Variants in APC observed in about 807,000 individuals in gnomAD.
The protein encoded by APC is APC regulator of Wnt signaling pathway.
A neutral mutation model predicts 247.0 loss-of-function variants in APC; 72 were observed. The observed-to-expected ratio is 0.29, with a 90% CI of 0.24 to 0.35. The LOEUF (loss-of-function observed/expected upper bound fraction) is 0.35, where lower values mean the gene tolerates loss of function less well. APC is among the 10% of genes least tolerant of loss of function. APC has a pLI of 1.00. For synonymous variants in APC, 1,254 were observed against 1,162.5 expected (o/e 1.08, Z -1.60); for missense variants, 3,400 against 3,360.7 (o/e 1.01, Z -0.29).
rs966309914 is a variant in APC at position 112,801,260 on chromosome 5, G to A, written c.730-19G>A. 3.7e-6 allele frequency: 6 copies of A among 1,606,428 alleles called. No homozygotes were observed. In the African/African-American group the frequency reaches 8.0e-5, roughly 21 times the overall value. ...CTACACCATTTTTGCATGTACTGAT[G>A]TTAACTCCATCTTAACAGAGGTCAT... is the stretch of plus-strand genomic sequence containing the variant. On this transcript the variant is annotated intron_variant, in intron 7 of 15. Coordinates refer to ENST00000257430, the MANE Select transcript of APC (RefSeq NM_000038.6).
At chr5:112,831,567 C>T (rs1338127439) in intron 14 of APC, among the ~76,000 whole-genome samples, 1 of 151,920 alleles carries the variant, frequency 6.6e-6, no homozygotes, top group Non-Finnish European at 1.5e-5. Context: ...ATATCAATTC[C>T]CTCTCAACTT....
chr5:112,832,579 T>G (rs1196630613), intron 14 of APC, among the ~76,000 whole-genome samples: 4 of 152,212 alleles, frequency 2.6e-5, no homozygotes, highest in African/African-American at 7.2e-5. Context: ...GGACTTATTT[T>G]CCACTGTTCC....
In APC at chr5:112,837,659, G is replaced by A. The variant is rs2149859769; in HGVS notation, c.2065G>A (p.Ala689Thr). ...NACGTLWNLS[A>T]RNPKDQEALW... ...ATGTGGAACTTTGTGGAATCTCTCAGCAAGAAATCCTAAAGACCAGGAAGC... is the reference window on the plus strand; with the variant it reads ...ATGTGGAACTTTGTGGAATCTCTCAACAAGAAATCCTAAAGACCAGGAAGC... Residue 689 changes from alanine (A) to threonine (T), a missense_variant, in exon 16 of 16, where the codon GCA (alanine) becomes ACA (threonine). Around this residue, in one of 9 missense-constraint regions of APC, gnomAD observed 184 missense variants for 248.0 expected, o/e 0.74. Coordinates refer to ENST00000257430, the MANE Select transcript of APC (RefSeq NM_000038.6). 6.2e-7 allele frequency: 1 copy of A among 1,613,894 alleles called. No homozygotes were observed. Among genetic ancestry groups the A allele is most frequent in the Non-Finnish European group, 8.5e-7 (1 of 1,179,834 alleles).
chr5:112,820,714 C>T (rs756743140), intron 10 of APC, among the ~76,000 whole-genome samples: 3 of 152,006 alleles, frequency 2.0e-5, no homozygotes, highest in African/African-American at 7.2e-5. Flanking sequence ...TAAAAACTTA[C>T]GTCAAATGAG....
At position 112,843,177 on chromosome 5, in the gene APC, T is replaced by G. The variant is rs730881264; in HGVS notation, c.7583T>G (p.Ile2528Ser). 2 of 1,613,300 alleles carry G rather than the reference T, an allele frequency of 1.2e-6. No individual in the cohort carries two copies. The highest frequency in any genetic ancestry group is 1.7e-6 in the Non-Finnish European group (2 of 1,179,260). The stretch of plus-strand genomic sequence containing the variant: ...GGAAGACCAGCAAAGCGCCATGATA[T>G]TGCACGGTCTCATTCTGAAAGTCCT... ...NDGRPAKRHD[I>S]ARSHSESPSR... The change falls in exon 16 of 16, where the codon ATT (isoleucine) becomes AGT (serine). Residue 2528 changes from isoleucine (I) to serine (S), a missense_variant. Coordinates refer to ENST00000257430, the MANE Select transcript of APC (RefSeq NM_000038.6). This position sits in a 1 kb window ranked among gnomAD's most constrained non-coding sequence, Gnocchi z 4.8.
upstream of APC, among the ~76,000 whole-genome samples, chr5:112,732,995 C>T (rs1271705883): frequency 6.6e-6 from 1 of 152,192 alleles, no homozygotes; most frequent in Non-Finnish European, 1.5e-5. Context: ...AAGGAGTAGT[C>T]AAGCCTTAGA....
intron 1 of APC, among the ~76,000 whole-genome samples, chr5:112,730,190 T>A (rs1219743087): frequency 6.6e-6 from 1 of 152,246 alleles, no homozygotes; most frequent in Non-Finnish European, 1.5e-5. Flanking sequence ...TTCTTATTTT[T>A]ACCTATTCTG....
At chr5:112,721,088 G>A (rs1751459698) in intron 1 of APC, among the ~76,000 whole-genome samples, 1 of 152,088 alleles carries the variant, frequency 6.6e-6, no homozygotes, top group Non-Finnish European at 1.5e-5. Context: ...ATAGTATAAT[G>A]AACTAGAGGG....
chr5:112,721,358 G>C (rs1472507249), intron 1 of APC, among the ~76,000 whole-genome samples: 1 of 152,154 alleles, frequency 6.6e-6, no homozygotes, highest in Non-Finnish European at 1.5e-5. Context: ...AGATTGTAGT[G>C]AGCAGAGATT....
chr5:112,773,755 G>A (rs1018624787), intron 4 of APC, among the ~76,000 whole-genome samples: 2 of 152,056 alleles, frequency 1.3e-5, no homozygotes, highest in African/African-American at 4.8e-5. Flanking sequence ...ATTATATGCA[G>A]CCCAACAACT....
chr5:112,764,415 T>C (rs1274064960), intron 2 of APC, among the ~76,000 whole-genome samples: 2 of 152,090 alleles, frequency 1.3e-5, no homozygotes, highest in Non-Finnish European at 1.5e-5. Context: ...AGAGAGCTAA[T>C]AGAGGTAGAA....
chr5:112,842,472 G>T lies in APC; in HGVS notation c.6878G>T (p.Gly2293Val), dbSNP rs1299914025. 1 of 1,613,816 alleles carries T rather than the reference G, an allele frequency of 6.2e-7. No homozygotes were observed. Among genetic ancestry groups the T allele is most frequent in the Non-Finnish European group, 8.5e-7 (1 of 1,179,918 alleles). The change falls in exon 16 of 16, where the codon GGT becomes GTT. Residue 2293 changes from glycine (G) to valine (V), a missense_variant. Gly to Val is a moderately radical substitution (Grantham distance 109). Transcript: ENST00000257430. Reference sequence around the variant, plus strand: ...GTTGCCAGGCAGACATCCCAAATAGGTGGGTCAAGTAAAGCACCTTCTAGA... The same window carrying T: ...GTTGCCAGGCAGACATCCCAAATAGTTGGGTCAAGTAAAGCACCTTCTAGA... ...SPVARQTSQI[G>V]GSSKAPSRSG... is the part of the protein sequence containing the mutation.
rs2149876853 is a variant in APC at position 112,838,355 on chromosome 5, G to T, written c.2761G>T (p.Ala921Ser). The change falls in exon 16 of 16, where the codon GCA (alanine) becomes TCA (serine). Residue 921 changes from alanine (A) to serine (S), a missense_variant. Around this residue, in one of 9 missense-constraint regions of APC, gnomAD observed 715 missense variants for 656.6 expected, o/e 1.09. Coordinates refer to ENST00000257430, the MANE Select transcript of APC (RefSeq NM_000038.6). ...ACATTGTGTGACAGATGAGAGAAATGCACTTAGAAGAAGCTCTGCTGCCCA... is the reference window on the plus strand; with the variant it reads ...ACATTGTGTGACAGATGAGAGAAATTCACTTAGAAGAAGCTCTGCTGCCCA... ...ELHCVTDERN[A>S]LRRSSAAHTH... The T allele has an allele frequency of 6.2e-7, 1 of 1,614,154 alleles. No homozygotes were observed. Among genetic ancestry groups the T allele is most frequent in the Non-Finnish European group, 8.5e-7 (1 of 1,180,026 alleles).
chr5:112,768,390 A>C (rs1251149376), intron 4 of APC, among the ~76,000 whole-genome samples: 1 of 151,656 alleles, frequency 6.6e-6, no homozygotes, highest in Non-Finnish European at 1.5e-5. Context: ...AAAAAGTAGT[A>C]ACTGGATTTT....
upstream of APC, among the ~76,000 whole-genome samples, chr5:112,733,398 A>G (rs982962864): frequency 3.9e-5 from 6 of 152,224 alleles, no homozygotes; most frequent in African/African-American, 1.2e-4. Flanking sequence ...TAAAGAGGTT[A>G]CTTAAGAGTG....
chr5:112,806,934 A>T (rs1761476475), intron 8 of APC, among the ~76,000 whole-genome samples: 1 of 152,004 alleles, frequency 6.6e-6, no homozygotes, highest in Admixed American at 6.6e-5. Flanking sequence ...GGAGTTCGAG[A>T]CCAGCCTGGC....
At chr5:112,730,062 A>G (rs2149670870) in intron 1 of APC, among the ~76,000 whole-genome samples, 1 of 152,320 alleles carries the variant, frequency 6.6e-6, no homozygotes, top group Admixed American at 6.5e-5. Context: ...TGTCTCCTGC[A>G]TTTAAAGAAA....
In APC at chr5:112,838,819, T is replaced by A. The variant is rs768123840; in HGVS notation, c.3225T>A (p.Tyr1075Ter). The A allele has an allele frequency of 6.2e-7, 1 of 1,614,144 alleles. No homozygotes were observed. ...AATCAAGGAATCAAAGTACAACTTA[T>A]CCTGTTTATACTGAGAGCACTGATG... ...QRQSRNQSTT[Y>*]PVYTESTDDK... The change falls in exon 16 of 16, where the codon TAT becomes TAA. Residue 1075 changes from tyrosine to a stop codon, truncating the protein, a stop_gained. Transcript: ENST00000257430. LOFTEE classifies it high-confidence loss of function.
rs201988789 is a variant in APC, at chr5:112,841,339, G to A, written c.5745G>A (p.Lys1915=). The change falls in exon 16 of 16, where the codon AAG becomes AAA. Residue 1915 remains lysine (K), a synonymous_variant. Coordinates refer to ENST00000257430, the MANE Select transcript of APC (RefSeq NM_000038.6). The surrounding 1 kb of genome is among the most constrained non-coding windows in gnomAD (Gnocchi z 4.6). ...QSANKTQAIA[K]QPINRGQPKP... The stretch of plus-strand genomic sequence containing the variant: ...CTAATAAGACACAAGCTATTGCAAA[G>A]CAGCCAATAAATCGAGGTCAGCCTA... 1 of 1,613,390 alleles carries A rather than the reference G, an allele frequency of 6.2e-7. No homozygotes were observed. Among genetic ancestry groups the A allele is most frequent in the South Asian group, 1.1e-5 (1 of 91,082 alleles).
Sources: allele counts gnomAD v4.1 joint callset (sites outside exome capture counted in the v4.1 genomes callset), GRCh38; gene constraint gnomAD v4.1.1; regional missense constraint gnomAD v4.1.1; non-coding constraint Gnocchi (gnomAD v3.1); transcripts MANE v1.5; gene names NCBI Gene and HGNC (gene_info 2026-07-23, HGNC 2026-07-21).